SRGAP2: variants seen among roughly 807,000 people sequenced by gnomAD.
SRGAP2 encodes the protein SLIT-ROBO Rho GTPase activating protein 2.
SRGAP2 carries 15 observed loss-of-function variants against 57.2 expected under a neutral mutation model. The observed-to-expected ratio is 0.26, with a 90% CI of 0.18 to 0.40. SRGAP2 has a LOEUF of 0.40. SRGAP2 is among the 10% of genes least tolerant of loss of function. The pLI, the probability that SRGAP2 is intolerant of heterozygous loss-of-function variation, is 1.00. For synonymous variants in SRGAP2, 249 were observed against 248.0 expected (o/e 1.00, Z -0.04); for missense variants, 520 against 669.6 (o/e 0.78, Z 2.47).
intron 3 of SRGAP2, among the ~76,000 whole-genome samples, chr1:206,333,630 G>A (rs772102859): frequency 6.6e-6 from 1 of 152,078 alleles, no homozygotes; most frequent in Non-Finnish European, 1.5e-5. Flanking sequence ...GGGCTCAAGC[G>A]ATCTTCCCAC....
chr1:206,281,923 AAC>A (rs1331308290), intron 2 of SRGAP2, among the ~76,000 whole-genome samples: 1,534 of 151,526 alleles, frequency 0.01, 33 homozygotes, highest in South Asian at 0.023. Flanking sequence ...CAAAAAAAAA[AAC>A]AAAAAAAAAC....
chr1:206,375,164 C>A (rs1208183784), intron 4 of SRGAP2, among the ~76,000 whole-genome samples: 2 of 150,332 alleles, frequency 1.3e-5, no homozygotes, highest in African/African-American at 4.9e-5. Context: ...GGCTCTTTCC[C>A]CCGATTCTCT....
In SRGAP2 at chr1:206,463,685, A is replaced by G. The variant is rs1303319728; in HGVS notation, c.*2265A>G. 3 of 152,554 alleles carry G rather than the reference A, an allele frequency of 2.0e-5. No individual in the cohort carries two copies. The highest frequency in any genetic ancestry group is 4.4e-5 in the Non-Finnish European group (3 of 68,042). The allele number at this position is 152,554 out of a possible 1,614,324, so 9.5% of individuals were successfully genotyped here. On this transcript the variant is annotated 3_prime_UTR_variant, in exon 23 of 23. Transcript: ENST00000573034. ...TGAACTGAACAGTGTGTGAGTGGTC[A>G]CCTACTAAACCCAGCTCTGGGGGCA...
intron 10 of SRGAP2, among the ~76,000 whole-genome samples, chr1:206,409,513 G>A (rs61816855): frequency 7.9e-5 from 12 of 152,010 alleles, no homozygotes; most frequent in Non-Finnish European, 1.5e-4. Flanking sequence ...CAGATATGGC[G>A]GCTCATGCCT....
At chr1:206,307,146 T>C in intron 3 of SRGAP2, among the ~76,000 whole-genome samples, 1 of 152,186 alleles carries the variant, frequency 6.6e-6, no homozygotes, top group African/African-American at 2.4e-5. Flanking sequence ...AAACACAGGG[T>C]GCTGATTGGT....
intron 10 of SRGAP2, among the ~76,000 whole-genome samples, chr1:206,411,328 G>A (rs1553359531): frequency 6.6e-6 from 1 of 152,144 alleles, no homozygotes; most frequent in African/African-American, 2.4e-5. Context: ...TTGGCCACTG[G>A]GGCACTGAGT....
intron 2 of SRGAP2, among the ~76,000 whole-genome samples, chr1:206,248,330 C>T (rs1225126889): frequency 2.0e-5 from 3 of 152,212 alleles, no homozygotes; most frequent in East Asian, 1.9e-4. Flanking sequence ...TAACTTCATC[C>T]GGCCTCTCAG....
chr1:206,261,646 G>C (rs1669558921), intron 2 of SRGAP2, among the ~76,000 whole-genome samples: 1 of 151,920 alleles, frequency 6.6e-6, no homozygotes, highest in Non-Finnish European at 1.5e-5. Context: ...TGGGGATGGG[G>C]GAGGGGACGG....
intron 5 of SRGAP2, among the ~76,000 whole-genome samples, chr1:206,384,325 T>TA (rs1655979361): frequency 6.6e-6 from 1 of 151,814 alleles, no homozygotes; most frequent in Non-Finnish European, 1.5e-5. Flanking sequence ...ATTTGGGGCA[T>TA]AATTACTAGA....
At chr1:206,460,194 T>C (rs1553379958) in intron 22 of SRGAP2, among the ~76,000 whole-genome samples, 1 of 152,118 alleles carries the variant, frequency 6.6e-6, no homozygotes, top group East Asian at 1.9e-4. Flanking sequence ...CAAGAAGAAA[T>C]CCTGTGGTAG....
chr1:206,423,515 G>A (rs1027164304), intron 13 of SRGAP2, among the ~76,000 whole-genome samples: 120 of 152,176 alleles, frequency 7.9e-4, no homozygotes, highest in African/African-American at 2.8e-3. Context: ...TTTGATTTGC[G>A]TAGCCCCTCC....
At chr1:206,287,921 G>C (rs1671102465) in intron 2 of SRGAP2, among the ~76,000 whole-genome samples, 1 of 109,988 alleles carries the variant, frequency 9.1e-6, no homozygotes, top group Non-Finnish European at 1.7e-5. Context: ...AGCAAGAAGG[G>C]GTGGGTTCTG....
intron 4 of SRGAP2, among the ~76,000 whole-genome samples, chr1:206,364,046 G>C (rs1302306368): frequency 6.8e-6 from 1 of 147,640 alleles, no homozygotes; most frequent in Admixed American, 6.8e-5. Flanking sequence ...ACTCTGAAAT[G>C]TTTGGATGTG....
rs781997381 is a variant in SRGAP2, at chr1:206,446,166, G to A, written c.1966G>A (p.Asp656Asn). 9.0e-6 allele frequency: 7 copies of A among 780,760 alleles called. No individual in the cohort carries two copies. The highest frequency in any genetic ancestry group is 2.4e-5 in the East Asian group (1 of 41,264). 48.4% of individuals were successfully genotyped at this position (780,760 alleles called of 1,614,324 possible). A position where few individuals can be genotyped will look rare whatever the true frequency, so the allele number is the denominator to read the frequency against. Residue 656 changes from aspartate (D) to asparagine (N), a missense_variant, in exon 18 of 23, where the codon GAC (aspartate) becomes AAC (asparagine). Physicochemically the swap from Asp to Asn is conservative, Grantham distance 23 (BLOSUM62 1). Transcript: ENST00000573034. ...PSLMSVPEGH[D>N]QVSCQAHVNE... ...GCTAATGTCAGTGCCAGAGGGCCAC[G>A]ACCAGGTGTCCTGCCAAGCCCACGT... is the stretch of plus-strand genomic sequence containing the variant.
intron 14 of SRGAP2, among the ~76,000 whole-genome samples, chr1:206,432,958 G>A (rs148855413): frequency 9.2e-5 from 14 of 152,178 alleles, no homozygotes; most frequent in Non-Finnish European, 1.5e-4. Flanking sequence ...AGAGAATATC[G>A]TACTATATTT....
At chr1:206,448,038 C>T (rs1381638377) in intron 18 of SRGAP2, among the ~76,000 whole-genome samples, 1 of 152,204 alleles carries the variant, frequency 6.6e-6, no homozygotes, top group Non-Finnish European at 1.5e-5. Context: ...CAAGAGTCAG[C>T]AACCTTGGGT....
rs1410087707 is a variant in SRGAP2, at chr1:206,463,705, G to C, written c.*2285G>C. ...TGGTCACCTACTAAACCCAGCTCTG[G>C]GGGCAGAGCTGTCTTCCCCATCTCT... On this transcript the variant is annotated 3_prime_UTR_variant, in exon 23 of 23. Coordinates refer to ENST00000573034, the MANE Select transcript of SRGAP2 (RefSeq NM_015326.5). 9.8e-5 allele frequency: 15 copies of C among 152,564 alleles called. No homozygotes were observed. The highest frequency in any genetic ancestry group is 2.2e-4 in the Non-Finnish European group (15 of 68,034). 9.5% of individuals were successfully genotyped at this position (152,564 alleles called of 1,614,324 possible). A position where few individuals can be genotyped will look rare whatever the true frequency, so the allele number is the denominator to read the frequency against.
At chr1:206,307,641 C>T (rs1272912709) in intron 3 of SRGAP2, among the ~76,000 whole-genome samples, 32 of 152,340 alleles carry the variant, frequency 2.1e-4, no homozygotes, top group Non-Finnish European at 3.8e-4. Flanking sequence ...AGCACAGCGC[C>T]GATGGGCCGG....
chr1:206,388,324 C>T (rs1215270218), intron 5 of SRGAP2, among the ~76,000 whole-genome samples: 1 of 152,206 alleles, frequency 6.6e-6, no homozygotes, highest in Non-Finnish European at 1.5e-5. Context: ...AACAATGGCA[C>T]TTAATAGTCT....
Sources: allele counts gnomAD v4.1 joint callset (sites outside exome capture counted in the v4.1 genomes callset), GRCh38; gene constraint gnomAD v4.1.1; transcripts MANE v1.5; gene names NCBI Gene and HGNC (gene_info 2026-07-23, HGNC 2026-07-21).